Variants in ASTN2 observed in about 807,000 individuals in gnomAD.
ASTN2 encodes the protein astrotactin 2.
A neutral mutation model predicts 139.8 loss-of-function variants in ASTN2; 54 were observed. That is an observed-to-expected ratio of 0.39 (90% CI 0.31 to 0.48). The LOEUF is 0.48. ASTN2 is among the 20% of genes least tolerant of loss of function. ASTN2 has a pLI of 0.95. For missense variants in ASTN2, 1,565 were observed against 1,725.1 expected (o/e 0.91, Z 1.64); for synonymous variants, 756 against 719.5 (o/e 1.05, Z -0.81).
intron 18 of ASTN2, among the ~76,000 whole-genome samples, chr9:116,619,793 G>C (rs1312456935): frequency 6.9e-6 from 1 of 144,582 alleles, no homozygotes; most frequent in Non-Finnish European, 1.5e-5. Context: ...ACCTCCTAAA[G>C]TGCAGGGATT....
chr9:117,313,420 A>C (rs1462782951), intron 1 of ASTN2, among the ~76,000 whole-genome samples: 1 of 152,154 alleles, frequency 6.6e-6, no homozygotes, highest in Non-Finnish European at 1.5e-5. Flanking sequence ...CATCACATGC[A>C]CTCAAGGCAG....
At chr9:116,468,982 TTAAA>T (rs923231341) in intron 20 of ASTN2, among the ~76,000 whole-genome samples, 51 of 152,274 alleles carry the variant, frequency 3.3e-4, no homozygotes, top group African/African-American at 1.2e-3. Flanking sequence ...TCTTTAAAAC[TTAAA>T]TAAAATGTCA....
chr9:116,499,948 T>G (rs1330340436), intron 19 of ASTN2, among the ~76,000 whole-genome samples: 1 of 152,158 alleles, frequency 6.6e-6, no homozygotes, highest in Non-Finnish European at 1.5e-5. Context: ...TCCACCAGCC[T>G]TTACCTGATT....
intron 16 of ASTN2, among the ~76,000 whole-genome samples, chr9:116,707,275 G>T (rs1288562814): frequency 1.4e-5 from 1 of 69,650 alleles, no homozygotes; most frequent in African/African-American, 5.8e-5. Flanking sequence ...ATGCCACTAT[G>T]CCCCCTGACC....
At chr9:116,586,976 A>G (rs1274872715) in intron 19 of ASTN2, among the ~76,000 whole-genome samples, 1 of 152,134 alleles carries the variant, frequency 6.6e-6, no homozygotes, top group African/African-American at 2.4e-5. Context: ...CTAACTCATC[A>G]GCAACTGCTC....
chr9:116,861,208 C>A (rs1832869003), intron 11 of ASTN2, among the ~76,000 whole-genome samples: 1 of 124,452 alleles, frequency 8.0e-6, no homozygotes, highest in African/African-American at 3.0e-5. Context: ...AGAGACAAGC[C>A]CAAGCTACAC....
At chr9:116,488,911 C>A (rs1364245986) in intron 19 of ASTN2, among the ~76,000 whole-genome samples, 1 of 152,132 alleles carries the variant, frequency 6.6e-6, no homozygotes, top group Non-Finnish European at 1.5e-5. Context: ...ATGGGCCAGA[C>A]TAAATGGCCT....
At chr9:116,740,817 A>G (rs962539834) in intron 13 of ASTN2, among the ~76,000 whole-genome samples, 4 of 151,222 alleles carry the variant, frequency 2.6e-5, no homozygotes, top group African/African-American at 9.7e-5. Flanking sequence ...CCCGGCGGTA[A>G]AGTTATTTTT....
At chr9:116,928,453 C>G (rs1401059512) in intron 10 of ASTN2, among the ~76,000 whole-genome samples, 1 of 152,162 alleles carries the variant, frequency 6.6e-6, no homozygotes, top group Non-Finnish European at 1.5e-5. Flanking sequence ...CATGTTTACT[C>G]AGAAATCTTT....
At chr9:117,113,591 G>A (rs1829302110) in intron 4 of ASTN2, among the ~76,000 whole-genome samples, 2 of 152,176 alleles carry the variant, frequency 1.3e-5, no homozygotes, top group South Asian at 4.1e-4. Flanking sequence ...AGGAGGTGGA[G>A]GTTGCAGTGA....
chr9:116,751,360 T>G (rs370220109), intron 13 of ASTN2, among the ~76,000 whole-genome samples: 1 of 152,298 alleles, frequency 6.6e-6, no homozygotes, highest in East Asian at 1.9e-4. Context: ...AGAGTTAAAG[T>G]TCTGCTTCCA....
chr9:116,700,342 T>C (rs2132077841), intron 16 of ASTN2: 1 of 167,900 alleles, frequency 6.0e-6, no homozygotes, highest in Admixed American at 6.5e-5. Flanking sequence ...GGATTGAGAA[T>C]TGCAGATGTG....
intron 19 of ASTN2, among the ~76,000 whole-genome samples, chr9:116,601,986 A>T (rs1854925377): frequency 1.3e-5 from 2 of 152,162 alleles, no homozygotes; most frequent in Non-Finnish European, 2.9e-5. Flanking sequence ...AGATAAAGGG[A>T]CCCTGCAAGA....
intron 2 of ASTN2, among the ~76,000 whole-genome samples, chr9:117,230,163 G>A (rs1337637032): frequency 1.4e-5 from 2 of 146,242 alleles, no homozygotes; most frequent in East Asian, 2.0e-4. Context: ...GTGGAATCTG[G>A]GTGTGTGAAT....
chr9:117,305,369 G>A (rs894994770), intron 1 of ASTN2, among the ~76,000 whole-genome samples: 1 of 152,132 alleles, frequency 6.6e-6, no homozygotes, highest in East Asian at 1.9e-4. Flanking sequence ...TCAACCTGGT[G>A]GAAGATGTCT....
intron 2 of ASTN2, among the ~76,000 whole-genome samples, chr9:117,274,194 C>T (rs1184159168): frequency 2.0e-5 from 3 of 152,012 alleles, no homozygotes; most frequent in Non-Finnish European, 4.4e-5. Flanking sequence ...ACTAAAAATA[C>T]AAAAAAATAG....
chr9:116,567,082 G>A (rs1177044630), intron 19 of ASTN2, among the ~76,000 whole-genome samples: 2 of 152,218 alleles, frequency 1.3e-5, no homozygotes, highest in Non-Finnish European at 2.9e-5. Context: ...CATGTGACTT[G>A]TGAACAATTG....
intron 22 of ASTN2, among the ~76,000 whole-genome samples, chr9:116,426,912 T>C (rs977615450): frequency 4.6e-5 from 7 of 152,172 alleles, no homozygotes; most frequent in Non-Finnish European, 7.3e-5. Flanking sequence ...GCTACTCTTA[T>C]AAGGGATTGC....
chr9:117,291,030 A>T (rs1292486015), intron 2 of ASTN2, among the ~76,000 whole-genome samples: 2 of 152,246 alleles, frequency 1.3e-5, no homozygotes, highest in Non-Finnish European at 2.9e-5. Flanking sequence ...CAGGCCAAGC[A>T]CATGACAGAT....
Sources: allele counts gnomAD v4.1 joint callset (sites outside exome capture counted in the v4.1 genomes callset), GRCh38; gene constraint gnomAD v4.1.1; transcripts MANE v1.5; gene names NCBI Gene and HGNC (gene_info 2026-07-23, HGNC 2026-07-21).